The following ABCA1 variants were observed in gnomAD, a reference collection of about 807,000 sequenced individuals.
ABCA1 encodes the protein phospholipid-transporting ATPase ABCA1.
Under a neutral mutation model 262.5 loss-of-function variants are expected in ABCA1, and 133 were observed. The ratio of observed to expected loss-of-function variants is 0.51; its 90% CI spans 0.44 to 0.59. The LOEUF is 0.59. ABCA1 is among the 20% of genes least tolerant of loss of function. The pLI, the probability that ABCA1 is intolerant of heterozygous loss-of-function variation, is 0.00. For synonymous variants in ABCA1, 1,022 were observed against 1,043.5 expected (o/e 0.98, Z 0.40); for missense variants, 2,452 against 2,777.5 (o/e 0.88, Z 2.63).
In ABCA1 at chr9:104,832,774, GC is replaced by G. The variant is rs1445175974; in HGVS notation, c.1312-4del. 1 of 1,613,862 alleles carries G rather than the reference GC, an allele frequency of 6.2e-7. No homozygotes were observed. Among genetic ancestry groups the G allele is most frequent in the African/African-American group, 1.3e-5 (1 of 74,900 alleles). On this transcript the variant is annotated splice_polypyrimidine_tract_variant and splice_region_variant and intron_variant, in intron 11 of 49. Transcript: ENST00000374736. ...TTGTCCCTGCTGTCCAACAGCATCTGCCATTCCAGTGAGAAAGTACAAGTAG... is the reference window on the plus strand; with the variant it reads ...TTGTCCCTGCTGTCCAACAGCATCTGCATTCCAGTGAGAAAGTACAAGTAG...
At chr9:104,884,632 G>T in intron 3 of ABCA1, 64 bp from the exon 4 acceptor site, 1 of 1,587,614 alleles carries the variant, frequency 6.3e-7, no homozygotes, top group Non-Finnish European at 8.6e-7. Context: ...CGATTTTGAG[G>T]CTCCATTTAT....
chr9:104,829,438 C>T (rs1478189662), intron 14 of ABCA1, among the ~76,000 whole-genome samples: 2 of 151,926 alleles, frequency 1.3e-5, no homozygotes, highest in Admixed American at 6.5e-5. Context: ...TACTAAAAAC[C>T]AAAACAAAAA....
rs1453167928 is a variant in ABCA1, at chr9:104,927,999, G to A, written c.-157C>T. 1 of 152,242 alleles carries A rather than the reference G, an allele frequency of 6.6e-6. No homozygotes were observed. The highest frequency in any genetic ancestry group is 1.5e-5 in the Non-Finnish European group (1 of 68,062). The allele number at this position is 152,242 out of a possible 1,614,324, so 9.4% of individuals were successfully genotyped here. A position where few individuals can be genotyped will look rare whatever the true frequency, so the allele number is the denominator to read the frequency against. Reference sequence around the variant, plus strand: ...CCTTGACAAGCCTTCCGGAGAAGGGGAGAAAACAGAACCGGGGAAAAAACA... The same window carrying A: ...CCTTGACAAGCCTTCCGGAGAAGGGAAGAAAACAGAACCGGGGAAAAAACA... On this transcript the variant is annotated 5_prime_UTR_variant, in exon 1 of 50. Coordinates refer to ENST00000374736, the MANE Select transcript of ABCA1 (RefSeq NM_005502.4).
intron 47 of ABCA1, 66 bp downstream of exon 47, chr9:104,786,807 G>T: frequency 7.4e-7 from 1 of 1,359,256 alleles, no homozygotes; most frequent in South Asian, 1.2e-5. Flanking sequence ...TTTACAAAAT[G>T]ATCGCATATT....
chr9:104,818,615 C>T (rs759657596), intron 23 of ABCA1, 48 bp downstream of exon 23: 19 of 1,574,042 alleles, frequency 1.2e-5, no homozygotes, highest in Middle Eastern at 2.3e-4. Flanking sequence ...CCAGCAAGTC[C>T]TGGCTGCCCA....
intron 44 of ABCA1, 58 bp from the exon 45 acceptor site, chr9:104,788,625 C>G: frequency 6.3e-7 from 1 of 1,587,246 alleles, no homozygotes. Flanking sequence ...TCTGGTTAGA[C>G]AATCTGGCCT....
intron 12 of ABCA1, among the ~76,000 whole-genome samples, 161 bp from the exon 13 acceptor site, chr9:104,831,988 G>A (rs1833378991): frequency 6.6e-6 from 1 of 152,166 alleles, no homozygotes; most frequent in Non-Finnish European, 1.5e-5. Context: ...CAAGAATGAA[G>A]GATTTTGGTT....
chr9:104,829,271 C>T, intron 14 of ABCA1, 133 bp from the exon 15 acceptor site: 1 of 806,006 alleles, frequency 1.2e-6, no homozygotes, highest in East Asian at 2.7e-5. Context: ...CCTCTAGACT[C>T]TGAAATGTAC....
At chr9:104,917,313 T>C (rs1358151393) in intron 1 of ABCA1, among the ~76,000 whole-genome samples, 2 of 152,222 alleles carry the variant, frequency 1.3e-5, no homozygotes, top group Admixed American at 1.3e-4. Flanking sequence ...TTTCCCCAAA[T>C]GTGGGAGAGT....
intron 5 of ABCA1, among the ~76,000 whole-genome samples, chr9:104,862,649 C>CGGGCAGGGCCGGGCA (rs1663877421): frequency 8.6e-5 from 1 of 11,694 alleles, no homozygotes; most frequent in African/African-American, 2.7e-4. Context: ...CGGGCCGGGC[C>CGGGCAGGGCCGGGCA]GGGCCGGGCC....
chr9:104,801,128 A>AAAAG (rs10695751), intron 34 of ABCA1, among the ~76,000 whole-genome samples: 1 of 151,156 alleles, frequency 6.6e-6, no homozygotes, highest in Non-Finnish European at 1.5e-5. Flanking sequence ...AAAAAAAAAA[A>AAAAG]GATTCATTTC....
At chr9:104,845,817 T>G (rs1834819397) in intron 7 of ABCA1, among the ~76,000 whole-genome samples, 1 of 152,336 alleles carries the variant, frequency 6.6e-6, no homozygotes, top group South Asian at 2.1e-4. Flanking sequence ...CTAGTTAATA[T>G]GCAATAGATT....
At chr9:104,871,296 T>C (rs931262349) in intron 5 of ABCA1, among the ~76,000 whole-genome samples, 16 of 152,218 alleles carry the variant, frequency 1.1e-4, no homozygotes, top group African/African-American at 1.4e-4. Flanking sequence ...AGTAAATTTC[T>C]ATTGTGTATA....
chr9:104,811,426 C>T (rs1426235986), intron 28 of ABCA1, among the ~76,000 whole-genome samples: 1 of 152,206 alleles, frequency 6.6e-6, no homozygotes, highest in African/African-American at 2.4e-5. Context: ...AAATCCTACA[C>T]TATAATAAAA....
At chr9:104,863,400 A>G (rs1016537064) in intron 5 of ABCA1, among the ~76,000 whole-genome samples, 4 of 152,232 alleles carry the variant, frequency 2.6e-5, no homozygotes, top group African/African-American at 9.6e-5. Context: ...CCACATGGCC[A>G]GGCACTAAGC....
At chr9:104,891,011 G>A (rs1839689680) in intron 2 of ABCA1, among the ~76,000 whole-genome samples, 1 of 151,812 alleles carries the variant, frequency 6.6e-6, no homozygotes, top group Non-Finnish European at 1.5e-5. Flanking sequence ...TTTGTATTCT[G>A]TTTTTTCATT....
chr9:104,830,809 C>T, intron 14 of ABCA1, 116 bp downstream of exon 14: 2 of 1,213,304 alleles, frequency 1.6e-6, no homozygotes, highest in Admixed American at 3.4e-5. Context: ...TGACAACTTA[C>T]ATCTGGCATC....
Position 104,827,115 on chromosome 9 carries a change from C to T in ABCA1, c.2170G>A (p.Val724Met), listed in dbSNP as rs138271089. ...TGCAGGATTGTCACCACAGCAAACA[C>T]GGACAGGAAGACAAACACCACGCTG... ...DPSVVFVFLS[V>M]FAVVTILQCF... The change falls in exon 16 of 50, where the codon GTG (valine) becomes ATG (methionine). Residue 724 changes from valine (V) to methionine (M), a missense_variant. Coordinates refer to ENST00000374736, the MANE Select transcript of ABCA1 (RefSeq NM_005502.4). The T allele has an allele frequency of 2.6e-5, 42 of 1,614,110 alleles. No homozygotes were observed. Among genetic ancestry groups the T allele is most frequent in the Middle Eastern group, 3.3e-4 (2 of 6,062 alleles).
intron 5 of ABCA1, among the ~76,000 whole-genome samples, chr9:104,871,171 C>T (rs569505344): frequency 6.6e-6 from 1 of 152,214 alleles, no homozygotes; most frequent in South Asian, 2.1e-4. Context: ...GGCGTTTGTC[C>T]CCTCCTAAGG....
Sources: allele counts gnomAD v4.1 joint callset (sites outside exome capture counted in the v4.1 genomes callset), GRCh38; gene constraint gnomAD v4.1.1; transcripts MANE v1.5; gene names NCBI Gene and HGNC (gene_info 2026-07-23, HGNC 2026-07-21).